COL18A1: variants seen among roughly 807,000 people sequenced by gnomAD.
COL18A1 encodes collagen alpha-1(XVIII) chain.
Under a neutral mutation model 168.0 loss-of-function variants are expected in COL18A1, and 133 were observed. That is an observed-to-expected ratio of 0.79 (90% CI 0.69 to 0.91). The LOEUF (loss-of-function observed/expected upper bound fraction) is 0.91, where lower values mean the gene tolerates loss of function less well. Ranked by LOEUF, COL18A1 falls within the 40% of genes least tolerant of loss-of-function variation. The pLI is 0.00. For missense variants in COL18A1, 2,126 were observed against 1,925.4 expected (o/e 1.10, Z -1.95); for synonymous variants, 949 against 809.0 (o/e 1.17, Z -2.94).
At chr21:45,469,570 G>A (rs2035341965) in intron 3 of COL18A1, among the ~76,000 whole-genome samples, 1 of 152,182 alleles carries the variant, frequency 6.6e-6, no homozygotes, top group African/African-American at 2.4e-5. Flanking sequence ...GGGGTTGGGG[G>A]GGTGGACAGA....
chr21:45,430,275 C>G (rs1254803429), intron 2 of COL18A1, among the ~76,000 whole-genome samples: 2 of 152,226 alleles, frequency 1.3e-5, no homozygotes, highest in East Asian at 3.9e-4. Context: ...TTCTAGCGCC[C>G]TCTCGCCTTC....
At chr21:45,442,328 G>A (rs532198505) in intron 2 of COL18A1, among the ~76,000 whole-genome samples, 1 of 152,190 alleles carries the variant, frequency 6.6e-6, no homozygotes, top group Non-Finnish European at 1.5e-5. Context: ...GATGAAAACC[G>A]TGAAGCCACA....
At chr21:45,488,547 C>T in intron 18 of COL18A1, 103 bp downstream of exon 18, 10 of 1,540,856 alleles carry the variant, frequency 6.5e-6, no homozygotes, top group Non-Finnish European at 7.2e-6. Context: ...TTTCTGATGG[C>T]AGGAGTAGGA....
intron 3 of COL18A1, 71 bp downstream of exon 3, chr21:45,468,857 G>A (rs545331897): frequency 1.4e-6 from 2 of 1,414,112 alleles, no homozygotes; most frequent in Non-Finnish European, 9.5e-7. Context: ...TGGCCACTGG[G>A]ACAGGGACGG....
chr21:45,504,093 C>G (rs761065347), intron 33 of COL18A1, 39 bp downstream of exon 33: 1 of 1,601,546 alleles, frequency 6.2e-7, no homozygotes, highest in African/African-American at 1.3e-5. Flanking sequence ...CCCCCAAGGT[C>G]CTGTACATCC....
chr21:45,511,072 CCACACACCA>C lies in COL18A1; in HGVS notation c.3694-31_3694-23del, dbSNP rs765698846. 56 of 969,384 alleles carry C rather than the reference CCACACACCA, an allele frequency of 5.8e-5. 1 individual carries two copies. In the South Asian group the frequency reaches 7.6e-4, roughly 13 times the overall value. The allele number at this position is 969,384 out of a possible 1,614,324, so 60.0% of individuals were successfully genotyped here. On this transcript the variant is annotated intron_variant, in intron 40 of 41. Coordinates refer to ENST00000651438, the MANE Select transcript of COL18A1 (RefSeq NM_001379500.1). Reference sequence around the variant, plus strand: ...CAAACACCCACACCCATCCACACCCCCACACACCACACACACATACACACGGTTTCTCTT... The same window carrying C: ...CAAACACCCACACCCATCCACACCCCCACACACATACACACGGTTTCTCTT...
chr21:45,504,691 C>T (rs1444910301), intron 34 of COL18A1, 135 bp downstream of exon 34: 7 of 769,314 alleles, frequency 9.1e-6, no homozygotes, highest in Admixed American at 2.7e-5. Context: ...CCGACATGTC[C>T]CTGTCCCCGT....
At chr21:45,449,398 C>G (rs942626568) in intron 2 of COL18A1, among the ~76,000 whole-genome samples, 2 of 152,182 alleles carry the variant, frequency 1.3e-5, no homozygotes, top group Non-Finnish European at 2.9e-5. Flanking sequence ...TCAGGCTCCC[C>G]ACCTCATAGT....
At chr21:45,474,339 GGA>G (rs1485901740) in intron 4 of COL18A1, among the ~76,000 whole-genome samples, 1 of 149,454 alleles carries the variant, frequency 6.7e-6, no homozygotes, top group Non-Finnish European at 1.5e-5. Flanking sequence ...TGTTGTGTGT[GGA>G]TGTGTGTGTG....
At position 45,425,223 on chromosome 21, in the gene COL18A1, G is replaced by A. The variant is rs1415182045; in HGVS notation, c.106+19750G>A. On this transcript the variant is annotated intron_variant, in intron 2 of 41. Transcript: ENST00000651438. The surrounding 1 kb of genome is among the most constrained non-coding windows in gnomAD (Gnocchi z 4.1). ...AGAGCCCCAGCCATGTGTGTGCTGA[G>A]TGCAGTGTGACCGCGTCCGCCCGTC... 6.6e-6 allele frequency among the ~76,000 whole-genome samples: 1 copy of A among 152,172 alleles called. No individual in the cohort carries two copies. Among genetic ancestry groups the A allele is most frequent in the Non-Finnish European group, 1.5e-5 (1 of 68,028 alleles).
rs1456974833 is a variant in COL18A1, at chr21:45,423,069, T to A, written c.106+17596T>A. On this transcript the variant is annotated intron_variant, in intron 2 of 41. Transcript: ENST00000651438. This position sits in a 1 kb window ranked among gnomAD's most constrained non-coding sequence, Gnocchi z 4.0. ...CCTCAGGTGATCTGCCCGCATCTCC[T>A]TCCCAGAGTGTTGGGATTATAGGTG... is the stretch of plus-strand genomic sequence containing the variant. Among the ~76,000 whole-genome samples, 1 of 152,152 alleles carries A rather than the reference T, an allele frequency of 6.6e-6. No homozygotes were observed. The highest frequency in any genetic ancestry group is 1.5e-5 in the Non-Finnish European group (1 of 68,016).
At chr21:45,421,652 AG>A in intron 2 of COL18A1, 2 of 507,628 alleles carry the variant, frequency 3.9e-6, no homozygotes, top group Non-Finnish European at 4.1e-6. Flanking sequence ...GGTGGCTGGC[AG>A]GTTGCCAGGA....
chr21:45,421,277 C>T, intron 2 of COL18A1: 1 of 384,778 alleles, frequency 2.6e-6, no homozygotes, highest in South Asian at 2.0e-5. Flanking sequence ...TCTGGGATCC[C>T]AGGGCCTGGT....
Position 45,512,669 on chromosome 21 carries a change from A to G in COL18A1, c.*271A>G. The G allele has an allele frequency of 3.7e-6, 2 of 535,472 alleles. No homozygotes were observed. The highest frequency in any genetic ancestry group is 3.1e-5 in the Admixed American group (1 of 31,768). The allele number at this position is 535,472 out of a possible 1,614,324, so 33.2% of individuals were successfully genotyped here. A position where few individuals can be genotyped will look rare whatever the true frequency, so the allele number is the denominator to read the frequency against. The stretch of plus-strand genomic sequence containing the variant: ...GCTGGGTCAGGCAGGGTGCAGTATC[A>G]TGCCCTGTGCAACCTCTTGGCCTGA... On this transcript the variant is annotated 3_prime_UTR_variant, in exon 42 of 42. Coordinates refer to ENST00000651438, the MANE Select transcript of COL18A1 (RefSeq NM_001379500.1).
chr21:45,485,193 G>T (rs1190901586), intron 15 of COL18A1, among the ~76,000 whole-genome samples: 4 of 124,502 alleles, frequency 3.2e-5, no homozygotes, highest in Non-Finnish European at 6.6e-5. Flanking sequence ...TAGAGGCAGG[G>T]TTTCGTCATG....
chr21:45,411,778 A>AGGGGGGGGGGGGGGGGGGGGGGGG (rs1569273645), intron 2 of COL18A1, among the ~76,000 whole-genome samples: 2 of 108,296 alleles, frequency 1.8e-5, no homozygotes, highest in African/African-American at 4.1e-5. Context: ...GGGGGGGGGC[A>AGGGGGGGGGGGGGGGGGGGGGGGG]GGCTGTGGTC....
At chr21:45,483,098 G>A (rs1287503376) in intron 15 of COL18A1, among the ~76,000 whole-genome samples, 7 of 152,258 alleles carry the variant, frequency 4.6e-5, no homozygotes, top group Admixed American at 4.6e-4. Context: ...CGCCCTGGAA[G>A]CTGAGCTCAT....
intron 3 of COL18A1, among the ~76,000 whole-genome samples, chr21:45,470,838 C>G (rs2035396058): frequency 6.6e-6 from 1 of 152,168 alleles, no homozygotes; most frequent in Non-Finnish European, 1.5e-5. Context: ...GACACCATGA[C>G]TTACAACAGC....
chr21:45,474,021 TC>T (rs1568898629), intron 4 of COL18A1, 40 bp downstream of exon 4: 2 of 1,497,708 alleles, frequency 1.3e-6, no homozygotes, highest in Non-Finnish European at 1.8e-6. Context: ...CTCCCCTCAA[TC>T]CCTGGCACGC....
Sources: gnomAD v4.1 joint callset for allele counts (sites outside exome capture counted in the v4.1 genomes callset) on GRCh38, gnomAD v4.1.1 for gene constraint, Gnocchi (gnomAD v3.1) non-coding constraint, MANE v1.5 for transcripts, NCBI Gene and HGNC (gene_info 2026-07-23, HGNC 2026-07-21) for gene names.